TMEM108: variants seen among roughly 807,000 people sequenced by gnomAD.
TMEM108 encodes cancer/testis antigen 124.
TMEM108 carries 12 observed loss-of-function variants against 35.1 expected under a neutral mutation model. The ratio of observed to expected loss-of-function variants is 0.34; its 90% CI spans 0.22 to 0.55. The LOEUF (loss-of-function observed/expected upper bound fraction) is 0.55. Among genes scored for constraint, TMEM108 ranks in the 20% least tolerant of loss-of-function variants. The pLI is 0.89. For missense variants in TMEM108, 680 were observed against 753.3 expected (o/e 0.90, Z 1.14); for synonymous variants, 287 against 308.6 (o/e 0.93, Z 0.73).
chr3:133,319,634 C>T (rs879540871), intron 3 of TMEM108, among the ~76,000 whole-genome samples: 1 of 152,208 alleles, frequency 6.6e-6, no homozygotes, highest in Non-Finnish European at 1.5e-5. Context: ...CTTCACTCCC[C>T]TGCCACCTCC....
intron 3 of TMEM108, among the ~76,000 whole-genome samples, chr3:133,291,098 A>G (rs189766860): frequency 6.6e-6 from 1 of 152,230 alleles, no homozygotes; most frequent in Non-Finnish European, 1.5e-5. Flanking sequence ...TAATCAAGCC[A>G]TGTATAACAT....
Position 133,145,514 on chromosome 3 carries a change from A to T in TMEM108, c.-46-83752A>T, listed in dbSNP as rs193007383. On this transcript the variant is annotated intron_variant, in intron 2 of 5. Transcript: ENST00000321871. ...TAATTCTGTGAAGAAAGTCAATGGAAGCTTGATGGGGATAGCATTGAATCT... is the reference window on the plus strand; with the variant it reads ...TAATTCTGTGAAGAAAGTCAATGGATGCTTGATGGGGATAGCATTGAATCT... Among the ~76,000 whole-genome samples the T allele has an allele frequency of 1.6e-3, 246 of 152,304 alleles. 1 individual carries two copies. Among genetic ancestry groups the T allele is most frequent in the Non-Finnish European group, 2.6e-3 (176 of 68,018 alleles).
At chr3:133,371,613 C>CAAAAAAAAAAAAAAAAAAA (rs3054624) in intron 3 of TMEM108, among the ~76,000 whole-genome samples, 17 of 78,098 alleles carry the variant, frequency 2.2e-4, no homozygotes, top group African/African-American at 8.9e-4. Context: ...CACAAACCCA[C>CAAAAAAAAAAAAAAAAAAA]AAAAAAAAAA....
intron 3 of TMEM108, among the ~76,000 whole-genome samples, chr3:133,271,014 AC>A (rs1946764118): frequency 6.6e-6 from 1 of 152,084 alleles, no homozygotes; most frequent in African/African-American, 2.4e-5. Context: ...TTTTGGCACT[AC>A]CTTCTGTTAT....
chr3:133,298,295 CA>C (rs998601444), intron 3 of TMEM108, among the ~76,000 whole-genome samples: 1 of 152,146 alleles, frequency 6.6e-6, no homozygotes, highest in Non-Finnish European at 1.5e-5. Flanking sequence ...ATCAGAGGCC[CA>C]AGAAGAATGT....
intron 3 of TMEM108, among the ~76,000 whole-genome samples, chr3:133,350,306 G>A (rs2071953501): frequency 6.6e-6 from 1 of 152,074 alleles, no homozygotes; most frequent in South Asian, 2.1e-4. Context: ...AATGGGGAGA[G>A]GATGGTTAAT....
At chr3:133,142,379 T>C (rs1944653313) in intron 2 of TMEM108, among the ~76,000 whole-genome samples, 1 of 152,024 alleles carries the variant, frequency 6.6e-6, no homozygotes, top group Non-Finnish European at 1.5e-5. Flanking sequence ...GAAACAGCAT[T>C]TGAGGATGGA....
chr3:133,380,202 G>T lies in TMEM108; in HGVS notation c.491G>T (p.Arg164Met). The change falls in exon 4 of 6, where the codon AGG becomes ATG. Residue 164 changes from arginine to methionine, a missense_variant. Transcript: ENST00000321871. This position sits in a 1 kb window ranked among gnomAD's most constrained non-coding sequence, Gnocchi z 5.3. The part of the protein sequence containing the change: ...TTAPPRTTTR[R>M]PPRPPGSSRK... ...GCGCCCCCCCGCACTACCACACGCA[G>T]GCCCCCCAGGCCCCCAGGCTCTTCC... 6.2e-7 allele frequency: 1 copy of T among 1,610,794 alleles called. No homozygotes were observed. The highest frequency in any genetic ancestry group is 8.5e-7 in the Non-Finnish European group (1 of 1,178,352).
chr3:133,183,638 G>A lies in TMEM108; in HGVS notation c.-46-45628G>A, dbSNP rs561202017. 6.2e-4 allele frequency among the ~76,000 whole-genome samples: 95 copies of A among 152,310 alleles called. 1 individual carries two copies. In the South Asian group the frequency reaches 0.018, roughly 28 times the overall value. On this transcript the variant is annotated intron_variant, in intron 2 of 5. Transcript: ENST00000321871. ...TCCAGAGTTCTCTGTGAGCTTTGAT[G>A]TTGGGAGACTGGGGAATTCAGGAAA... is the stretch of plus-strand genomic sequence containing the variant.
chr3:133,311,508 A>G (rs2071128176), intron 3 of TMEM108, among the ~76,000 whole-genome samples: 1 of 152,118 alleles, frequency 6.6e-6, no homozygotes, highest in Non-Finnish European at 1.5e-5. Context: ...CGAATTGGCT[A>G]TTGAAGCTTG....
chr3:133,126,264 A>G (rs1944414749), intron 2 of TMEM108, among the ~76,000 whole-genome samples: 1 of 152,124 alleles, frequency 6.6e-6, no homozygotes. Context: ...CAGGAGTTCG[A>G]GACCAGCCTG....
chr3:133,312,516 C>G lies in TMEM108; in HGVS notation c.41-67236C>G, dbSNP rs189838244. Among the ~76,000 whole-genome samples the G allele has an allele frequency of 3.7e-4, 57 of 152,378 alleles. No individual in the cohort carries two copies. The East Asian group carries it at 5.4e-3, about 14-fold the overall frequency. On this transcript the variant is annotated intron_variant, in intron 3 of 5. Coordinates refer to ENST00000321871, the MANE Select transcript of TMEM108 (RefSeq NM_023943.4). ...TGCTGCACTAGCTGTGAGCAAGGCT[C>G]TGTGGGTGTGGGACCCACCAGGCAT... is the stretch of plus-strand genomic sequence containing the variant.
chr3:133,370,544 T>G (rs1414043903), intron 3 of TMEM108, among the ~76,000 whole-genome samples: 1 of 152,106 alleles, frequency 6.6e-6, no homozygotes, highest in African/African-American at 2.4e-5. Flanking sequence ...GCTTCTTCCT[T>G]TTAGTTTGGG....
intron 2 of TMEM108, among the ~76,000 whole-genome samples, chr3:133,225,830 C>T (rs62280352): frequency 0.32 from 48,279 of 152,000 alleles, 8,515 homozygotes; most frequent in East Asian, 0.47. Flanking sequence ...AAACTTAATA[C>T]AAAGTCCAGA....
intron 2 of TMEM108, among the ~76,000 whole-genome samples, chr3:133,053,127 G>A (rs1171788745): frequency 6.6e-6 from 1 of 152,156 alleles, no homozygotes; most frequent in African/African-American, 2.4e-5. Flanking sequence ...CCTACTGCAA[G>A]ACTTGCTTTC....
rs187719474 is a variant in TMEM108 at position 133,273,430 on chromosome 3, T to C, written c.40+44079T>C. Among the ~76,000 whole-genome samples the C allele has an allele frequency of 3.0e-3, 454 of 152,274 alleles. 3 individuals are homozygous for C. The highest frequency in any genetic ancestry group is 0.01 in the African/African-American group (429 of 41,544). The stretch of plus-strand genomic sequence containing the variant: ...TAAGAAGTATAGCTATTATTTCCTA[T>C]TGATAGTCAAACTAAACACCACGTC... On this transcript the variant is annotated intron_variant, in intron 3 of 5. Transcript: ENST00000321871.
At chr3:133,273,951 T>C (rs1051461974) in intron 3 of TMEM108, among the ~76,000 whole-genome samples, 4 of 152,182 alleles carry the variant, frequency 2.6e-5, no homozygotes, top group Admixed American at 1.3e-4. Flanking sequence ...CTGACAGCAA[T>C]CCTTCGGGGC....
intron 2 of TMEM108, among the ~76,000 whole-genome samples, chr3:133,161,332 C>T (rs1944958490): frequency 1.3e-5 from 2 of 152,202 alleles, no homozygotes; most frequent in African/African-American, 4.8e-5. Flanking sequence ...TCTTTCATCA[C>T]TCAGTCTAAA....
chr3:133,330,145 C>G (rs2071378075), intron 3 of TMEM108, among the ~76,000 whole-genome samples: 1 of 152,202 alleles, frequency 6.6e-6, no homozygotes, highest in African/African-American at 2.4e-5. Flanking sequence ...TTGATGAAGA[C>G]AACTTTTTAA....
Sources: allele counts gnomAD v4.1 joint callset (sites outside exome capture counted in the v4.1 genomes callset), GRCh38; gene constraint gnomAD v4.1.1; non-coding constraint Gnocchi (gnomAD v3.1); transcripts MANE v1.5; gene names NCBI Gene and HGNC (gene_info 2026-07-23, HGNC 2026-07-21).